Variants in EYS observed in about 807,000 individuals in gnomAD.
EYS encodes EGF-like photoreceptor maintenance factor.
EYS carries 250 observed loss-of-function variants against 282.1 expected under a neutral mutation model. That is an observed-to-expected ratio of 0.89 (90% CI 0.80 to 0.98). EYS has a LOEUF of 0.98. Among genes scored for constraint, EYS ranks in the 50% least tolerant of loss-of-function variants. The probability of loss-of-function intolerance (pLI) is 0.00; values close to 1 mark genes in which losing one functional copy is unlikely to be tolerated. For synonymous variants in EYS, 1,355 were observed against 1,282.9 expected, an observed-to-expected ratio of 1.06 and a Z score of -1.20; for missense variants, 4,016 against 3,709.0, an observed-to-expected ratio of 1.08 and a Z score of -2.15.
intron 12 of EYS, among the ~76,000 whole-genome samples, chr6:65,233,414 T>C (rs1419819976): frequency 6.6e-6 from 1 of 152,168 alleles, no homozygotes; most frequent in Non-Finnish European, 1.5e-5. Flanking sequence ...TTCCTTGCAG[T>C]GTTTTCCCTG....
At chr6:64,663,700 A>G (rs1769125295) in intron 22 of EYS, among the ~76,000 whole-genome samples, 1 of 152,146 alleles carries the variant, frequency 6.6e-6, no homozygotes, top group South Asian at 2.1e-4. Flanking sequence ...ACGTTGCCTC[A>G]ACCAAACAGA....
chr6:64,308,526 A>G (rs971226273), intron 29 of EYS, among the ~76,000 whole-genome samples: 1 of 152,090 alleles, frequency 6.6e-6, no homozygotes, highest in African/African-American at 2.4e-5. Flanking sequence ...TAGGTGAACC[A>G]AATTATGACC....
chr6:65,434,415 C>CTGGG (rs1767992460), intron 5 of EYS, among the ~76,000 whole-genome samples: 1 of 151,454 alleles, frequency 6.6e-6, no homozygotes. Context: ...CTGCCTCCCA[C>CTGGG]GTTCACGCCA....
chr6:65,575,153 T>C (rs563424212), intron 2 of EYS, among the ~76,000 whole-genome samples: 37 of 151,956 alleles, frequency 2.4e-4, no homozygotes, highest in Admixed American at 9.2e-4. Context: ...GAACCTCATC[T>C]CTGCTAAAAA....
intron 26 of EYS, among the ~76,000 whole-genome samples, chr6:64,450,236 C>G (rs1206751125): frequency 1.3e-5 from 2 of 151,852 alleles, no homozygotes; most frequent in African/African-American, 2.4e-5. Flanking sequence ...GACTTTAAAC[C>G]AACAAAGATC....
intron 22 of EYS, among the ~76,000 whole-genome samples, chr6:64,774,479 T>C (rs542223599): frequency 2.6e-5 from 4 of 152,034 alleles, no homozygotes; most frequent in Non-Finnish European, 5.9e-5. Context: ...ATCTGCTTAG[T>C]GTGGAGTAGA....
chr6:65,646,630 C>T (rs1247311281), intron 1 of EYS, among the ~76,000 whole-genome samples: 1 of 152,182 alleles, frequency 6.6e-6, no homozygotes, highest in Non-Finnish European at 1.5e-5. Flanking sequence ...AGCATGCCCA[C>T]TTTCACCACT....
intron 22 of EYS, among the ~76,000 whole-genome samples, chr6:64,723,900 T>C (rs1771669173): frequency 6.6e-6 from 1 of 152,124 alleles, no homozygotes; most frequent in South Asian, 2.1e-4. Flanking sequence ...TGGTCAGCAG[T>C]CTTGGATCTG....
rs754252474 is a variant in EYS, at chr6:64,591,095, G to A, written c.4772C>T (p.Ala1591Val). The A allele has an allele frequency of 1.3e-5, 20 of 1,551,090 alleles. No homozygotes were observed. The highest frequency in any genetic ancestry group is 2.4e-5 in the East Asian group (1 of 40,916). Residue 1591 changes from alanine (A) to valine (V), a missense_variant, in exon 26 of 43, where the codon GCG becomes GTG. By Grantham distance (64) the Ala-to-Val change is moderately conservative. Coordinates refer to ENST00000503581, the MANE Select transcript of EYS (RefSeq NM_001142800.2). ...TAGTGCATACCAGCTGGCTAATATC[G>A]CTGAGTTCATCCAGAATGTCTCATA... ...HFYETFWMNS[A>V]ILASWYALMG...
chr6:64,190,642 A>AT (rs1765074653), intron 31 of EYS, among the ~76,000 whole-genome samples: 1 of 152,112 alleles, frequency 6.6e-6, no homozygotes, highest in Non-Finnish European at 1.5e-5. Flanking sequence ...TTTGACTGAA[A>AT]TCTTTCCATT....
intron 24 of EYS, among the ~76,000 whole-genome samples, chr6:64,609,824 C>G (rs1252448838): frequency 6.6e-6 from 1 of 151,904 alleles, no homozygotes; most frequent in African/African-American, 2.4e-5. Flanking sequence ...AAGTTTGACG[C>G]TGCAGTGAGC....
intron 12 of EYS, among the ~76,000 whole-genome samples, chr6:65,273,400 T>A (rs986748898): frequency 6.6e-6 from 1 of 152,046 alleles, no homozygotes; most frequent in African/African-American, 2.4e-5. Context: ...TAAAAATAAA[T>A]ATGCATTCAT....
At chr6:65,248,233 C>A (rs1449044662) in intron 12 of EYS, among the ~76,000 whole-genome samples, 1 of 152,028 alleles carries the variant, frequency 6.6e-6, no homozygotes, top group Non-Finnish European at 1.5e-5. Flanking sequence ...ATTGCATTAA[C>A]ATTTGAGTAA....
At chr6:63,914,477 G>A (rs1303905436) in intron 35 of EYS, among the ~76,000 whole-genome samples, 1 of 152,194 alleles carries the variant, frequency 6.6e-6, no homozygotes, top group Non-Finnish European at 1.5e-5. Context: ...GGGAGGTCAA[G>A]GTGGGCAGAT....
At chr6:64,540,164 G>A (rs1205163860) in intron 26 of EYS, among the ~76,000 whole-genome samples, 2 of 152,154 alleles carry the variant, frequency 1.3e-5, no homozygotes, top group Non-Finnish European at 2.9e-5. Context: ...AGCTGAGGAA[G>A]CAACTTTAAA....
In EYS at chr6:63,923,002, C is replaced by A. The variant is rs539046267; in HGVS notation, c.7056-58644G>T. On this transcript the variant is annotated intron_variant, in intron 35 of 42. Coordinates refer to ENST00000503581, the MANE Select transcript of EYS (RefSeq NM_001142800.2). ...ATCTGAAAAATAAAAGATTAGTACT[C>A]GAATGGTGTCTGGGGTCCCTTTGAG... is the stretch of plus-strand genomic sequence containing the variant. Among the ~76,000 whole-genome samples, 12 of 152,232 alleles carry A rather than the reference C, an allele frequency of 7.9e-5. No homozygotes were observed. The South Asian group carries it at 2.5e-3, about 32-fold the overall frequency.
chr6:64,536,185 T>G (rs75241885), intron 26 of EYS, among the ~76,000 whole-genome samples: 2,103 of 152,234 alleles, frequency 0.014, 61 homozygotes, highest in East Asian at 0.11. Context: ...AAAACTATAT[T>G]AACTAATGAT....
At chr6:64,165,381 T>C in intron 31 of EYS, among the ~76,000 whole-genome samples, 1 of 152,196 alleles carries the variant, frequency 6.6e-6, no homozygotes, top group East Asian at 1.9e-4. Context: ...TTGAATAAGT[T>C]TAATGTATTA....
Position 64,990,663 on chromosome 6 carries a change from C to T in EYS, c.2259+6919G>A, listed in dbSNP as rs148023267. ...ATGGAAAATTCCTCTCAGTGATCTG[C>T]TATGTCTTCACATATTATTTATGAA... On this transcript the variant is annotated intron_variant, in intron 14 of 42. Coordinates refer to ENST00000503581, the MANE Select transcript of EYS (RefSeq NM_001142800.2). 1.1e-3 allele frequency among the ~76,000 whole-genome samples: 164 copies of T among 151,660 alleles called. 1 individual carries two copies. The highest frequency in any genetic ancestry group is 3.9e-3 in the African/African-American group (160 of 41,480).
Sources: gnomAD v4.1 joint callset for allele counts (sites outside exome capture counted in the v4.1 genomes callset) on GRCh38, gnomAD v4.1.1 for gene constraint, MANE v1.5 for transcripts, NCBI Gene and HGNC (gene_info 2026-07-23, HGNC 2026-07-21) for gene names.